Variants in NOL4 observed in about 807,000 individuals in gnomAD.
NOL4 encodes nucleolar protein 4.
A neutral mutation model predicts 75.9 loss-of-function variants in NOL4; 17 were observed. The observed-to-expected ratio is 0.22, with a 90% CI of 0.15 to 0.34. The LOEUF is 0.34. Ranked by LOEUF, NOL4 falls within the 10% of genes least tolerant of loss-of-function variation. The pLI is 1.00. For missense variants in NOL4, 614 were observed against 793.5 expected (o/e 0.77, Z 2.72); for synonymous variants, 292 against 289.9 (o/e 1.01, Z -0.07).
chr18:33,964,694 C>T (rs530713173), intron 6 of NOL4, among the ~76,000 whole-genome samples: 2 of 152,166 alleles, frequency 1.3e-5, no homozygotes, highest in East Asian at 3.9e-4. Context: ...GGATGTAGGC[C>T]CAGCAATCTG....
intron 1 of NOL4, among the ~76,000 whole-genome samples, chr18:34,151,790 C>T (rs556760754): frequency 1.3e-5 from 2 of 151,834 alleles, no homozygotes; most frequent in Non-Finnish European, 2.9e-5. Context: ...TGCTTATGAG[C>T]TTGTGAGGGC....
chr18:33,856,561 T>C (rs1452647), intron 10 of NOL4, among the ~76,000 whole-genome samples: 132,529 of 151,964 alleles, frequency 0.87, 57,967 homozygotes, highest in East Asian at 0.97. Context: ...TCCTACATTC[T>C]CTTCTTCAGC....
At chr18:34,150,286 C>A (rs990218064) in intron 1 of NOL4, among the ~76,000 whole-genome samples, 3 of 151,462 alleles carry the variant, frequency 2.0e-5, no homozygotes, top group African/African-American at 7.3e-5. Context: ...ATAGCCAACA[C>A]AATATTAAAG....
In NOL4 at chr18:34,105,068, T is replaced by C. The variant is rs781460767; in HGVS notation, c.507A>G (p.Pro169=). 6.2e-7 allele frequency: 1 copy of C among 1,609,384 alleles called. No homozygotes were observed. Among genetic ancestry groups the C allele is most frequent in the Admixed American group, 1.7e-5 (1 of 59,928 alleles). The change falls in exon 3 of 11, where the codon CCA becomes CCG. Residue 169 remains proline (P), a synonymous_variant. Coordinates refer to ENST00000261592, the MANE Select transcript of NOL4 (RefSeq NM_003787.5). ...AGCTACCTTTATGATCTGTTCCATC[T>C]GGGTTTAAATGCATTCTTTTCTGGC... ...SECQKRMHLN[P]DGTDHKDNGK...
intron 9 of NOL4, among the ~76,000 whole-genome samples, chr18:33,908,208 A>T (rs2066179862): frequency 6.6e-6 from 1 of 152,226 alleles, no homozygotes; most frequent in Non-Finnish European, 1.5e-5. Context: ...AATTAGGCTC[A>T]ACTAAGAAAC....
intron 5 of NOL4, among the ~76,000 whole-genome samples, chr18:34,086,707 A>G (rs1454602635): frequency 1.3e-5 from 2 of 152,130 alleles, no homozygotes; most frequent in African/African-American, 4.8e-5. Flanking sequence ...TTTTATTCAC[A>G]TATAAACTGG....
intron 5 of NOL4, among the ~76,000 whole-genome samples, chr18:34,088,673 C>A (rs141784847): frequency 7.1e-4 from 108 of 152,090 alleles, no homozygotes; most frequent in African/African-American, 2.5e-3. Context: ...GTATATATAA[C>A]CTTTAAATGA....
chr18:34,052,062 T>C (rs899297200), intron 5 of NOL4, among the ~76,000 whole-genome samples: 3 of 152,144 alleles, frequency 2.0e-5, no homozygotes, highest in African/African-American at 4.8e-5. Flanking sequence ...GGATTAAATA[T>C]GTAAAAAGGT....
intron 5 of NOL4, among the ~76,000 whole-genome samples, chr18:34,077,680 CAAAG>C (rs1052947821): frequency 1.4e-4 from 22 of 151,848 alleles, no homozygotes; most frequent in Non-Finnish European, 1.3e-4. Context: ...ATACATAAAA[CAAAG>C]AAGAGAAAAT....
intron 6 of NOL4, among the ~76,000 whole-genome samples, chr18:33,971,355 T>C (rs4799734): frequency 0.18 from 27,737 of 152,170 alleles, 2,995 homozygotes; most frequent in East Asian, 0.4. Context: ...TCTCTTTTCC[T>C]CCATTGTTTT....
chr18:33,916,366 C>T (rs868240440), intron 9 of NOL4, among the ~76,000 whole-genome samples: 23 of 152,192 alleles, frequency 1.5e-4, no homozygotes, highest in Non-Finnish European at 2.8e-4. Flanking sequence ...TTCAGCCTCT[C>T]GGGCTGCAAT....
chr18:34,011,649 AC>A (rs1434252893), intron 6 of NOL4, among the ~76,000 whole-genome samples: 3 of 151,818 alleles, frequency 2.0e-5, no homozygotes, highest in Non-Finnish European at 4.4e-5. Context: ...AAAATAAAAA[AC>A]AAAAAACAGA....
intron 1 of NOL4, among the ~76,000 whole-genome samples, chr18:34,157,620 GA>G (rs975909745): frequency 9.7e-4 from 134 of 138,844 alleles, no homozygotes; most frequent in Middle Eastern, 3.6e-3. Flanking sequence ...TATGCAGAAT[GA>G]AAAAAAAAAG....
chr18:34,111,116 T>C (rs1259890603), intron 2 of NOL4, among the ~76,000 whole-genome samples: 1 of 152,124 alleles, frequency 6.6e-6, no homozygotes, highest in Non-Finnish European at 1.5e-5. Flanking sequence ...AGAAATAAAT[T>C]GGCCCTTGTA....
Position 34,184,110 on chromosome 18 carries a change from C to T in NOL4, c.264+38880G>A, listed in dbSNP as rs562616649. 3.7e-3 allele frequency among the ~76,000 whole-genome samples: 564 copies of T among 151,960 alleles called. 2 individuals are homozygous for T. Among genetic ancestry groups the T allele is most frequent in the Non-Finnish European group, 5.9e-3 (402 of 67,898 alleles). ...TGACACATACACTTACACACACACA[C>T]TCAGAGCTTAAAATGTATTTTTATC... On this transcript the variant is annotated intron_variant, in intron 1 of 10. Transcript: ENST00000261592.
At chr18:34,127,687 T>C (rs1017303301) in intron 2 of NOL4, among the ~76,000 whole-genome samples, 5 of 151,904 alleles carry the variant, frequency 3.3e-5, no homozygotes, top group African/African-American at 1.2e-4. Flanking sequence ...AACATTAGAC[T>C]TAAATTCATT....
intron 2 of NOL4, among the ~76,000 whole-genome samples, chr18:34,124,632 C>T (rs979719895): frequency 2.0e-5 from 3 of 152,106 alleles, no homozygotes; most frequent in African/African-American, 7.2e-5. Context: ...AGGCTTGATG[C>T]GATGGCTCAT....
chr18:33,877,858 T>C (rs1466049841), intron 10 of NOL4, among the ~76,000 whole-genome samples: 1 of 150,866 alleles, frequency 6.6e-6, no homozygotes, highest in Non-Finnish European at 1.5e-5. Context: ...GTGTGCGCTA[T>C]CATACATGCT....
chr18:34,015,206 A>AT (rs2074612758), intron 6 of NOL4, among the ~76,000 whole-genome samples: 2 of 152,014 alleles, frequency 1.3e-5, no homozygotes, highest in Admixed American at 1.3e-4. Context: ...TTGGATTAAG[A>AT]TTGCAGGAAG....
Sources: gnomAD v4.1 joint callset for allele counts (sites outside exome capture counted in the v4.1 genomes callset) on GRCh38, gnomAD v4.1.1 for gene constraint, MANE v1.5 for transcripts, NCBI Gene and HGNC (gene_info 2026-07-23, HGNC 2026-07-21) for gene names.